Variants in ZNF555 observed in about 807,000 individuals in gnomAD.
The protein encoded by ZNF555 is zinc finger protein 555.
In ZNF555, 10 loss-of-function variants were observed where a neutral mutation model predicts 14.0. The ratio of observed to expected loss-of-function variants is 0.72; its 90% CI spans 0.44 to 1.21. The LOEUF is 1.21. ZNF555 is among the 50% of genes most tolerant of loss of function. The pLI is 0.00. For synonymous variants in ZNF555, 277 were observed against 262.4 expected, an observed-to-expected ratio of 1.06 and a Z score of -0.54; for missense variants, 747 against 762.0, an observed-to-expected ratio of 0.98 and a Z score of 0.23.
chr19:2,853,875 T>A lies in ZNF555; in HGVS notation c.1810T>A (p.Phe604Ile). 6.2e-7 allele frequency: 1 copy of A among 1,614,096 alleles called. No individual in the cohort carries two copies. The highest frequency in any genetic ancestry group is 8.5e-7 in the Non-Finnish European group (1 of 1,180,026). The change falls in exon 4 of 4, where the codon TTC (phenylalanine) becomes ATC (isoleucine). Residue 604 changes from phenylalanine to isoleucine, a missense_variant. By Grantham distance (21) the Phe-to-Ile change is conservative (BLOSUM62 0). Coordinates refer to ENST00000334241, the MANE Select transcript of ZNF555 (RefSeq NM_152791.5). The part of the protein sequence containing the change: ...CNVGHPPANE[F>I]MCSASEKSHQ... ...TGTAGGACATCCTCCTGCAAATGAA[T>A]TCATGTGCAGTGCTTCAGAAAAGTC...
At position 2,852,514 on chromosome 19, in the gene ZNF555, A is replaced by G. The variant is rs2087639888; in HGVS notation, c.449A>G (p.Lys150Arg). 7 of 1,614,000 alleles carry G rather than the reference A, an allele frequency of 4.3e-6. No homozygotes were observed. The highest frequency in any genetic ancestry group is 1.3e-5 in the African/African-American group (1 of 74,928). ...VKQYEYNTYG[K>R]VFMHRRTSLK... ...CAGTATGAATACAACACGTACGGAA[A>G]AGTCTTCATGCATCGCCGCACATCC... The change falls in exon 4 of 4, where the codon AAA (lysine) becomes AGA (arginine). Residue 150 changes from lysine to arginine, a missense_variant. Lys to Arg is a conservative substitution (Grantham distance 26, BLOSUM62 2). Transcript: ENST00000334241.
Position 2,853,892 on chromosome 19 carries a change from A to C in ZNF555, c.1827A>C (p.Ser609=), listed in dbSNP as rs746394154. Residue 609 remains serine, a synonymous_variant, in exon 4 of 4, where the codon TCA becomes TCC. Transcript: ENST00000334241. ...CAAATGAATTCATGTGCAGTGCTTC[A>C]GAAAAGTCACACCAGGAGAGAGATC... ...PPANEFMCSA[S]EKSHQERDLI... 1.9e-6 allele frequency: 3 copies of C among 1,614,060 alleles called. No homozygotes were observed. The Admixed American group carries it at 5.0e-5, about 27-fold the overall frequency.
intron 3 of ZNF555, among the ~76,000 whole-genome samples, chr19:2,852,102 T>G (rs985551300): frequency 2.2e-4 from 33 of 151,322 alleles, no homozygotes; most frequent in Non-Finnish European, 1.8e-4. Flanking sequence ...GAGCTAAGAC[T>G]GCACCACTGC....
At chr19:2,846,778 G>A (rs1426819144) in intron 1 of ZNF555, among the ~76,000 whole-genome samples, 5 of 152,134 alleles carry the variant, frequency 3.3e-5, no homozygotes, top group Admixed American at 2.6e-4. Context: ...AAGCGCTTTT[G>A]GTCTCGTGAA....
In ZNF555 at chr19:2,858,010, G is replaced by A. The variant is rs1055468418; in HGVS notation, c.*4058G>A. 1 of 152,314 alleles carries A rather than the reference G, an allele frequency of 6.6e-6. No homozygotes were observed. The highest frequency in any genetic ancestry group is 2.4e-5 in the African/African-American group (1 of 41,388). The allele number at this position is 152,314 out of a possible 1,614,324, so 9.4% of individuals were successfully genotyped here. ...TAGACACCAGTCTGGGCAACATAGCGAGACCTCAACTCTACCAAAAAATTA... is the reference window on the plus strand; with the variant it reads ...TAGACACCAGTCTGGGCAACATAGCAAGACCTCAACTCTACCAAAAAATTA... On this transcript the variant is annotated 3_prime_UTR_variant, in exon 4 of 4. Coordinates refer to ENST00000334241, the MANE Select transcript of ZNF555 (RefSeq NM_152791.5).
Position 2,853,640 on chromosome 19 carries a change from A to G in ZNF555, c.1575A>G (p.Gln525=), listed in dbSNP as rs753444288. ...KAFSWPELLQ[Q]HVRTHTVEKP... is the part of the protein sequence containing the mutation. The stretch of plus-strand genomic sequence containing the variant: ...TCAGTTGGCCTGAACTTTTGCAACA[A>G]CATGTGAGAACGCACACTGTAGAGA... Residue 525 remains glutamine, a synonymous_variant, in exon 4 of 4, where the codon CAA becomes CAG. Coordinates refer to ENST00000334241, the MANE Select transcript of ZNF555 (RefSeq NM_152791.5). 12 of 1,599,888 alleles carry G rather than the reference A, an allele frequency of 7.5e-6. No homozygotes were observed. In the South Asian group the frequency reaches 1.0e-4, roughly 14 times the overall value.
rs200968773 is a variant in ZNF555 at position 2,852,616 on chromosome 19, G to A, written c.551G>A (p.Arg184His). 5.0e-5 allele frequency: 81 copies of A among 1,614,004 alleles called. No homozygotes were observed. Among genetic ancestry groups the A allele is most frequent in the South Asian group, 1.1e-4 (10 of 91,082 alleles). Residue 184 changes from arginine to histidine, a missense_variant, in exon 4 of 4, where the codon CGT (arginine) becomes CAT (histidine). Transcript: ENST00000334241. ...CQECGQAYSC[R>H]SHLRMHVRTH... ...GAATGTGGGCAGGCCTACAGTTGTC[G>A]TTCACACCTAAGAATGCATGTGAGA...
intron 3 of ZNF555, 148 bp from the exon 4 acceptor site, chr19:2,852,232 A>G: frequency 1.1e-6 from 1 of 876,658 alleles, no homozygotes; most frequent in Non-Finnish European, 1.7e-6. Context: ...ACCATCTTCC[A>G]GGGCATTCAG....
Position 2,841,507 on chromosome 19 carries a change from C to A in ZNF555, c.-66C>A, listed in dbSNP as rs1448343667. 2 of 1,544,170 alleles carry A rather than the reference C, an allele frequency of 1.3e-6. No individual in the cohort carries two copies. Among genetic ancestry groups the A allele is most frequent in the Non-Finnish European group, 1.7e-6 (2 of 1,143,770 alleles). On this transcript the variant is annotated 5_prime_UTR_variant, in exon 1 of 4. Transcript: ENST00000334241. Reference sequence around the variant, plus strand: ...CCGTGAGTGCCCCGCCTGCCCCTAGCGGTCCCTGGCGTCCCGGTTCCTGTC... The same window carrying A: ...CCGTGAGTGCCCCGCCTGCCCCTAGAGGTCCCTGGCGTCCCGGTTCCTGTC...
rs1199983782 is a variant in ZNF555, at chr19:2,841,534, C to T, written c.-39C>T. 1.3e-6 allele frequency: 2 copies of T among 1,544,888 alleles called. No homozygotes were observed. Among genetic ancestry groups the T allele is most frequent in the African/African-American group, 2.8e-5 (2 of 72,238 alleles). On this transcript the variant is annotated 5_prime_UTR_variant, in exon 1 of 4. Coordinates refer to ENST00000334241, the MANE Select transcript of ZNF555 (RefSeq NM_152791.5). Reference sequence around the variant, plus strand: ...GTCCCTGGCGTCCCGGTTCCTGTCGCGCTCACCTGCGCCGGTAGCGAAGAA... The same window carrying T: ...GTCCCTGGCGTCCCGGTTCCTGTCGTGCTCACCTGCGCCGGTAGCGAAGAA...
rs565200366 is a variant in ZNF555, at chr19:2,853,040, G to T, written c.975G>T (p.Ser325=). ...KECGEAFSYS[S]AFRRHMITHT... is the part of the protein sequence containing the mutation. ...GTGGGGAGGCCTTCAGTTATTCTTC[G>T]GCTTTTCGAAGACACATGATAACAC... Residue 325 remains serine, a synonymous_variant, in exon 4 of 4, where the codon TCG becomes TCT. Transcript: ENST00000334241. 36 of 1,613,708 alleles carry T rather than the reference G, an allele frequency of 2.2e-5. No individual in the cohort carries two copies. The highest frequency in any genetic ancestry group is 3.3e-5 in the Admixed American group (2 of 59,984).
chr19:2,853,175 C>T lies in ZNF555; in HGVS notation c.1110C>T (p.Cys370=). 1 of 1,613,858 alleles carries T rather than the reference C, an allele frequency of 6.2e-7. No individual in the cohort carries two copies. Among genetic ancestry groups the T allele is most frequent in the East Asian group, 2.2e-5 (1 of 44,836 alleles). ...RIHTGEKPYE[C]KQCGKTFIYP... Reference sequence around the variant, plus strand: ...ACACTGGAGAGAAACCCTACGAATGCAAACAGTGTGGGAAGACCTTCATTT... The same window carrying T: ...ACACTGGAGAGAAACCCTACGAATGTAAACAGTGTGGGAAGACCTTCATTT... Residue 370 remains cysteine, a synonymous_variant, in exon 4 of 4, where the codon TGC becomes TGT. Coordinates refer to ENST00000334241, the MANE Select transcript of ZNF555 (RefSeq NM_152791.5).
At chr19:2,842,184 C>G (rs1342406910) in intron 1 of ZNF555, among the ~76,000 whole-genome samples, 3 of 152,110 alleles carry the variant, frequency 2.0e-5, no homozygotes, top group African/African-American at 7.2e-5. Context: ...CGGAGACGCC[C>G]CCACCTGCAA....
rs570458383 is a variant in ZNF555 at position 2,854,536 on chromosome 19, T to G, written c.*584T>G. On this transcript the variant is annotated 3_prime_UTR_variant, in exon 4 of 4. Transcript: ENST00000334241. ...CTTCATTTGCTGGAATGCATTTCCT[T>G]TATGGTTCCATGTCCAAATTTACCA... 1 of 153,668 alleles carries G rather than the reference T, an allele frequency of 6.5e-6. No individual in the cohort carries two copies. The highest frequency in any genetic ancestry group is 1.5e-5 in the Non-Finnish European group (1 of 68,924). 9.5% of individuals were successfully genotyped at this position (153,668 alleles called of 1,614,324 possible).
chr19:2,853,926 G>A lies in ZNF555; in HGVS notation c.1861G>A (p.Val621Ile), dbSNP rs772924407. The change falls in exon 4 of 4, where the codon GTT (valine) becomes ATT (isoleucine). Residue 621 changes from valine (V) to isoleucine (I), a missense_variant. Coordinates refer to ENST00000334241, the MANE Select transcript of ZNF555 (RefSeq NM_152791.5). ...KSHQERDLIK[V>I]VNMVLPL ...ACACCAGGAGAGAGATCTGATCAAA[G>A]TTGTAAATATGGTGTTGCCTTTATG... The A allele has an allele frequency of 6.2e-7, 1 of 1,613,680 alleles. No homozygotes were observed. Among genetic ancestry groups the A allele is most frequent in the Non-Finnish European group, 8.5e-7 (1 of 1,180,024 alleles).
At position 2,855,776 on chromosome 19, in the gene ZNF555, C is replaced by T. The variant is rs2087678502; in HGVS notation, c.*1824C>T. 6.6e-6 allele frequency: 1 copy of T among 152,078 alleles called. No individual in the cohort carries two copies. Among genetic ancestry groups the T allele is most frequent in the African/African-American group, 2.4e-5 (1 of 41,386 alleles). The allele number at this position is 152,078 out of a possible 1,614,324, so 9.4% of individuals were successfully genotyped here. On this transcript the variant is annotated 3_prime_UTR_variant, in exon 4 of 4. Coordinates refer to ENST00000334241, the MANE Select transcript of ZNF555 (RefSeq NM_152791.5). ...GGGAAGGATCTGTTTCAGAACTCAC[C>T]TAGCTTCTGGTAGTTCCTTAGCTTG...
rs918260774 is a variant in ZNF555, at chr19:2,850,503, G to A, written c.4-84G>A. On this transcript the variant is annotated intron_variant, in intron 1 of 3. Coordinates refer to ENST00000334241, the MANE Select transcript of ZNF555 (RefSeq NM_152791.5). ...AGATGTCAGGGAATCACAGAATCTT[G>A]TTTGAACTACATACGAATTGAGTAC... is the stretch of plus-strand genomic sequence containing the variant. The A allele has an allele frequency of 4.5e-6, 7 of 1,547,674 alleles. No individual in the cohort carries two copies. In the Admixed American group the frequency reaches 7.3e-5, roughly 16 times the overall value.
In ZNF555 at chr19:2,850,546, G is replaced by A. The variant is rs374937615; in HGVS notation, c.4-41G>A. ...TTGAGTACAATGCTCCTGGGCTCTC[G>A]GTCTCAACCATCCTCCCATAAATAT... On this transcript the variant is annotated intron_variant, in intron 1 of 3. Transcript: ENST00000334241. 9.4e-5 allele frequency: 151 copies of A among 1,603,896 alleles called. No homozygotes were observed. In the African/African-American group the frequency reaches 1.4e-3, roughly 15 times the overall value.
At position 2,856,499 on chromosome 19, in the gene ZNF555, C is replaced by A. The variant is rs909914389; in HGVS notation, c.*2547C>A. The A allele has an allele frequency of 1.3e-5, 2 of 152,320 alleles. No individual in the cohort carries two copies. The highest frequency in any genetic ancestry group is 1.3e-4 in the Admixed American group (2 of 15,302). The allele number at this position is 152,320 out of a possible 1,614,324, so 9.4% of individuals were successfully genotyped here. On this transcript the variant is annotated 3_prime_UTR_variant, in exon 4 of 4. Coordinates refer to ENST00000334241, the MANE Select transcript of ZNF555 (RefSeq NM_152791.5). ...GGATTACAGGCATGAGCCACCACACCCGGCCTAAAATGATTTCTTATTTGT... is the reference window on the plus strand; with the variant it reads ...GGATTACAGGCATGAGCCACCACACACGGCCTAAAATGATTTCTTATTTGT...
Sources: allele counts gnomAD v4.1 joint callset (sites outside exome capture counted in the v4.1 genomes callset), GRCh38; gene constraint gnomAD v4.1.1; transcripts MANE v1.5; gene names NCBI Gene and HGNC (gene_info 2026-07-23, HGNC 2026-07-21).